DPP6: variants seen among roughly 807,000 people sequenced by gnomAD.
DPP6 encodes the protein A-type potassium channel modulatory protein DPP6.
DPP6 carries 69 observed loss-of-function variants against 122.6 expected under a neutral mutation model. The observed-to-expected ratio is 0.56, with a 90% CI of 0.46 to 0.69. The LOEUF (loss-of-function observed/expected upper bound fraction) is 0.69. Among genes scored for constraint, DPP6 ranks in the 30% least tolerant of loss-of-function variants. The pLI, the probability that DPP6 is intolerant of heterozygous loss-of-function variation, is 0.00. For missense variants in DPP6, 928 were observed against 1,116.9 expected, an observed-to-expected ratio of 0.83 and a Z score of 2.41; for synonymous variants, 418 against 433.1, an observed-to-expected ratio of 0.97 and a Z score of 0.43.
In DPP6 at chr7:154,821,651, T is replaced by TATATATATACACATATATATATACAC. The variant is rs1799781849; in HGVS notation, c.1666+14548_1666+14549insCACATATATATATACACATATATATA. 1.4e-3 allele frequency among the ~76,000 whole-genome samples: 12 copies of TATATATATACACATATATATATACAC among 8,544 alleles called. No individual in the cohort carries two copies. In the South Asian group the frequency reaches 0.051, roughly 36 times the overall value. 5.6% of individuals were successfully genotyped at this position (8,544 alleles called of 152,430 possible). On this transcript the variant is annotated intron_variant, in intron 16 of 25. Transcript: ENST00000377770. The surrounding 1 kb of genome is among the most constrained non-coding windows in gnomAD (Gnocchi z 4.2). ...CTGTATATATATATATATATACACA[T>TATATATATACACATATATATATACAC]ATATATATATATACACATATATATA...
intron 3 of DPP6, among the ~76,000 whole-genome samples, chr7:154,535,386 A>T (rs917557074): frequency 6.0e-5 from 9 of 149,902 alleles, no homozygotes; most frequent in Non-Finnish European, 1.3e-4. Context: ...TTCACTTTAG[A>T]TTTTTTTTTT....
intron 1 of DPP6, among the ~76,000 whole-genome samples, chr7:154,381,655 T>C (rs1813621768): frequency 6.6e-6 from 1 of 152,202 alleles, no homozygotes; most frequent in South Asian, 2.1e-4. Flanking sequence ...AAATGCTGGT[T>C]TCAGCAACAC....
intron 5 of DPP6, among the ~76,000 whole-genome samples, chr7:154,608,607 G>T (rs1205310865): frequency 6.6e-6 from 1 of 151,562 alleles, no homozygotes; most frequent in Non-Finnish European, 1.5e-5. Flanking sequence ...AAAGTGCCAG[G>T]ATTACAGGCT....
intron 1 of DPP6, among the ~76,000 whole-genome samples, chr7:154,028,007 G>C (rs1585197967): frequency 6.6e-6 from 1 of 151,202 alleles, no homozygotes; most frequent in East Asian, 1.9e-4. Flanking sequence ...TTTTAGAAAA[G>C]AGGACAGAGC....
intron 1 of DPP6, among the ~76,000 whole-genome samples, chr7:154,327,019 G>A (rs907270707): frequency 2.0e-5 from 3 of 152,134 alleles, no homozygotes; most frequent in African/African-American, 4.8e-5. Flanking sequence ...TCACAGGATC[G>A]TTAGACAGAT....
chr7:154,105,224 G>T (rs1806069817), intron 1 of DPP6, among the ~76,000 whole-genome samples: 1 of 152,246 alleles, frequency 6.6e-6, no homozygotes, highest in Admixed American at 6.5e-5. Context: ...GTCAAAGAAG[G>T]CAAGTGGGAG....
At chr7:154,723,468 TA>T (rs3080669) in intron 7 of DPP6, among the ~76,000 whole-genome samples, 47,208 of 149,044 alleles carry the variant, frequency 0.32, 7,766 homozygotes, top group South Asian at 0.48. Flanking sequence ...CATTTATTTT[TA>T]AAAAAAAAAA....
chr7:154,783,414 C>T (rs1031532140), intron 10 of DPP6, among the ~76,000 whole-genome samples: 2 of 152,114 alleles, frequency 1.3e-5, no homozygotes, highest in Non-Finnish European at 2.9e-5. Flanking sequence ...CTGTATGACA[C>T]GAGATGTGTC....
intron 5 of DPP6, among the ~76,000 whole-genome samples, chr7:154,631,603 G>T (rs1230369443): frequency 6.6e-6 from 1 of 151,908 alleles, no homozygotes; most frequent in Non-Finnish European, 1.5e-5. Context: ...GGAGGCAGTG[G>T]TTGCGGTGAG....
At chr7:154,717,849 T>TA (rs1181961578) in intron 7 of DPP6, among the ~76,000 whole-genome samples, 3 of 151,028 alleles carry the variant, frequency 2.0e-5, no homozygotes, top group Non-Finnish European at 4.4e-5. Flanking sequence ...ATGGTTATAG[T>TA]AATTTACATT....
intron 1 of DPP6, among the ~76,000 whole-genome samples, chr7:154,066,776 G>T (rs908780702): frequency 4.6e-5 from 7 of 152,236 alleles, no homozygotes; most frequent in African/African-American, 1.7e-4. Context: ...ACCATGGCCT[G>T]ATGCAAGGCT....
chr7:154,207,384 A>T (rs950136620), intron 1 of DPP6, among the ~76,000 whole-genome samples: 7 of 152,136 alleles, frequency 4.6e-5, no homozygotes, highest in South Asian at 2.1e-4. Context: ...GCATGATCTT[A>T]AAAAAAATCT....
chr7:154,375,402 T>C (rs1004033633), intron 1 of DPP6, among the ~76,000 whole-genome samples: 2 of 152,110 alleles, frequency 1.3e-5, no homozygotes, highest in African/African-American at 4.8e-5. Context: ...CAGATTTCTA[T>C]CAGCTGACCT....
At chr7:154,683,889 G>T (rs1325652871) in intron 7 of DPP6, among the ~76,000 whole-genome samples, 1 of 152,124 alleles carries the variant, frequency 6.6e-6, no homozygotes, top group African/African-American at 2.4e-5. Flanking sequence ...TGTTTTAAAA[G>T]ACCATGTCTA....
At chr7:154,471,798 A>G (rs1284858096) in intron 2 of DPP6, among the ~76,000 whole-genome samples, 1 of 152,224 alleles carries the variant, frequency 6.6e-6, no homozygotes, top group Non-Finnish European at 1.5e-5. Flanking sequence ...GACATTTTAG[A>G]TTTTTGAAAT....
At chr7:153,904,190 T>C (rs112028566) in intron 1 of DPP6, among the ~76,000 whole-genome samples, 1,904 of 152,286 alleles carry the variant, frequency 0.013, 37 homozygotes, top group African/African-American at 0.044. Context: ...TAGCTGGGAC[T>C]ACAGGCACGC....
intron 1 of DPP6, among the ~76,000 whole-genome samples, chr7:154,224,321 C>CA (rs1249661727): frequency 1.3e-5 from 2 of 148,376 alleles, no homozygotes; most frequent in Non-Finnish European, 2.9e-5. Flanking sequence ...GACTCTGTCT[C>CA]AAAAATATAA....
chr7:154,398,107 T>G (rs1815246857), intron 1 of DPP6, among the ~76,000 whole-genome samples: 1 of 152,144 alleles, frequency 6.6e-6, no homozygotes, highest in African/African-American at 2.4e-5. Context: ...ACATAATGCG[T>G]CAGGGTGTGA....
chr7:154,602,246 C>A (rs1396909084), intron 5 of DPP6, among the ~76,000 whole-genome samples: 1 of 120,796 alleles, frequency 8.3e-6, no homozygotes, highest in African/African-American at 2.6e-5. Flanking sequence ...TAAAAGCCTA[C>A]AGCAGTATTC....
Sources: gnomAD v4.1 joint callset for allele counts (sites outside exome capture counted in the v4.1 genomes callset) on GRCh38, gnomAD v4.1.1 for gene constraint, Gnocchi (gnomAD v3.1) non-coding constraint, MANE v1.5 for transcripts, NCBI Gene and HGNC (gene_info 2026-07-23, HGNC 2026-07-21) for gene names.